The following SP4 variants were observed in gnomAD, a reference collection of about 807,000 sequenced individuals.
SP4 encodes transcription factor Sp4.
A neutral mutation model predicts 72.8 loss-of-function variants in SP4; 19 were observed. The ratio of observed to expected loss-of-function variants is 0.26; its 90% CI spans 0.18 to 0.38. The LOEUF is 0.38. SP4 is among the 10% of genes least tolerant of loss of function. SP4 has a pLI of 1.00. For missense variants in SP4, 1,008 were observed against 926.3 expected, an observed-to-expected ratio of 1.09 and a Z score of -1.14; for synonymous variants, 395 against 333.1, an observed-to-expected ratio of 1.19 and a Z score of -2.02.
Position 21,506,812 on chromosome 7 carries a change from A to G in SP4, c.2108-4210A>G, listed in dbSNP as rs145553426. Reference sequence around the variant, plus strand: ...ATTTTCTCATCTGATCTCTGAGCCTATATAGGAATGCAGAAGGAGTTTCCT... The same window carrying G: ...ATTTTCTCATCTGATCTCTGAGCCTGTATAGGAATGCAGAAGGAGTTTCCT... On this transcript the variant is annotated intron_variant, in intron 5 of 5. Transcript: ENST00000222584. 3.9e-3 allele frequency among the ~76,000 whole-genome samples: 596 copies of G among 152,290 alleles called. 3 individuals carry two copies. The highest frequency in any genetic ancestry group is 8.1e-3 in the Admixed American group (124 of 15,296).
At chr7:21,463,332 T>C (rs144875324) in intron 3 of SP4, among the ~76,000 whole-genome samples, 85 of 152,268 alleles carry the variant, frequency 5.6e-4, no homozygotes, top group Non-Finnish European at 9.8e-4. Context: ...GCTATGTACA[T>C]TGCCAGCATA....
chr7:21,471,214 TACTG>T, intron 3 of SP4: 1 of 483,558 alleles, frequency 2.1e-6, no homozygotes. Context: ...TGCTAAGAAA[TACTG>T]ACCTTATTGT....
At chr7:21,438,413 C>T (rs1430105963) in intron 3 of SP4, among the ~76,000 whole-genome samples, 1 of 151,780 alleles carries the variant, frequency 6.6e-6, no homozygotes, top group Non-Finnish European at 1.5e-5. Context: ...TTCATAGAGG[C>T]TGTATGAGGG....
intron 3 of SP4, among the ~76,000 whole-genome samples, chr7:21,468,672 A>G (rs1784241322): frequency 6.6e-6 from 1 of 152,002 alleles, no homozygotes; most frequent in South Asian, 2.1e-4. Flanking sequence ...TAATATAATT[A>G]TATCTTTTGT....
chr7:21,486,194 G>T (rs1784808428), intron 5 of SP4, among the ~76,000 whole-genome samples: 2 of 148,528 alleles, frequency 1.3e-5, no homozygotes, highest in South Asian at 2.1e-4. Flanking sequence ...TTTTTCTGTA[G>T]GTGACCTGAT....
chr7:21,428,261 A>G lies in SP4; in HGVS notation c.7+3A>G. Reference sequence around the variant, plus strand: ...GTCCTGTTAATGCGGGATGAGCGGTACGTATTCTCCACCCCCCTCAGTCTC... The same window carrying G: ...GTCCTGTTAATGCGGGATGAGCGGTGCGTATTCTCCACCCCCCTCAGTCTC... On this transcript the variant is annotated splice_donor_region_variant and intron_variant, in intron 1 of 5. Transcript: ENST00000222584. The G allele has an allele frequency of 7.6e-7, 1 of 1,322,156 alleles. No individual in the cohort carries two copies. 81.9% of individuals were successfully genotyped at this position (1,322,156 alleles called of 1,614,324 possible).
At chr7:21,473,833 A>C (rs991719112) in intron 3 of SP4, among the ~76,000 whole-genome samples, 3 of 152,184 alleles carry the variant, frequency 2.0e-5, no homozygotes, top group Admixed American at 2.0e-4. Flanking sequence ...CAGAGTGAGC[A>C]AGGGAGAGAC....
chr7:21,507,810 C>G (rs1483508229), intron 5 of SP4, among the ~76,000 whole-genome samples: 2 of 151,852 alleles, frequency 1.3e-5, no homozygotes, highest in Non-Finnish European at 2.9e-5. Flanking sequence ...TTCTCAGCAC[C>G]CCCTACTGGA....
At chr7:21,428,822 C>A in intron 2 of SP4, 30 bp downstream of exon 2, 1 of 1,511,374 alleles carries the variant, frequency 6.6e-7, no homozygotes, top group Non-Finnish European at 9.0e-7. Context: ...AAAAATTCAT[C>A]ACGACACATT....
At chr7:21,436,957 A>C (rs1783068959) in intron 3 of SP4, among the ~76,000 whole-genome samples, 1 of 152,102 alleles carries the variant, frequency 6.6e-6, no homozygotes, top group Admixed American at 6.5e-5. Flanking sequence ...TAGAATCTTG[A>C]CTTCTCCTCC....
At chr7:21,453,522 A>C (rs561244731) in intron 3 of SP4, among the ~76,000 whole-genome samples, 1 of 152,230 alleles carries the variant, frequency 6.6e-6, no homozygotes, top group African/African-American at 2.4e-5. Context: ...GAATTGTAGG[A>C]GTTTCACATA....
At chr7:21,506,683 A>T (rs527658691) in intron 5 of SP4, among the ~76,000 whole-genome samples, 1 of 152,082 alleles carries the variant, frequency 6.6e-6, no homozygotes, top group African/African-American at 2.4e-5. Flanking sequence ...CTTTCCATCC[A>T]TCAATCTTTT....
chr7:21,464,708 C>T, intron 3 of SP4, among the ~76,000 whole-genome samples: 1 of 151,910 alleles, frequency 6.6e-6, no homozygotes, highest in Non-Finnish European at 1.5e-5. Flanking sequence ...CACCACTGTG[C>T]CAAGCTTCCT....
intron 3 of SP4, among the ~76,000 whole-genome samples, chr7:21,455,818 G>A (rs1783747323): frequency 6.6e-6 from 1 of 152,148 alleles, no homozygotes; most frequent in Non-Finnish European, 1.5e-5. Flanking sequence ...TAACCTTAGA[G>A]TGACTCTCAC....
chr7:21,428,954 C>CT, intron 2 of SP4, 162 bp downstream of exon 2: 7 of 653,682 alleles, frequency 1.1e-5, no homozygotes, highest in South Asian at 2.0e-5. Context: ...GTTTTCACCT[C>CT]TTTGAGGGTA....
In SP4 at chr7:21,511,213, T is replaced by C; in HGVS notation, c.2299T>C (p.Ser767Pro). 1 of 1,614,168 alleles carries C rather than the reference T, an allele frequency of 6.2e-7. No homozygotes were observed. The highest frequency in any genetic ancestry group is 1.1e-5 in the South Asian group (1 of 91,084). ...SPRIVTVAAI[S>P]QDSNPATPNV... ...AAGAATTGTCACAGTTGCAGCCATTTCTCAAGATTCGAATCCAGCAACTCC... is the reference window on the plus strand; with the variant it reads ...AAGAATTGTCACAGTTGCAGCCATTCCTCAAGATTCGAATCCAGCAACTCC... The change falls in exon 6 of 6, where the codon TCT becomes CCT. Residue 767 changes from serine (S) to proline (P), a missense_variant. This residue lies in a region of SP4 where 67 missense variants were observed against 66.1 expected (regional missense o/e 1.01). Transcript: ENST00000222584.
At chr7:21,475,153 C>T (rs947160044) in intron 3 of SP4, among the ~76,000 whole-genome samples, 3 of 150,428 alleles carry the variant, frequency 2.0e-5, no homozygotes, top group Admixed American at 6.6e-5. Flanking sequence ...TCACTCTTGA[C>T]GCCCAGGCTG....
intron 5 of SP4, among the ~76,000 whole-genome samples, chr7:21,487,335 CCTCT>C (rs1174340527): frequency 1.3e-5 from 2 of 149,160 alleles, no homozygotes; most frequent in East Asian, 2.0e-4. Context: ...CACCTCTCTC[CCTCT>C]CTCTCTCTTT....
At chr7:21,495,529 A>G (rs1781684034) in intron 5 of SP4, among the ~76,000 whole-genome samples, 1 of 152,170 alleles carries the variant, frequency 6.6e-6, no homozygotes. Flanking sequence ...AAATAAAACC[A>G]TAATGCAATA....
Sources: allele counts gnomAD v4.1 joint callset (sites outside exome capture counted in the v4.1 genomes callset), GRCh38; gene constraint gnomAD v4.1.1; regional missense constraint gnomAD v4.1.1; transcripts MANE v1.5; gene names NCBI Gene and HGNC (gene_info 2026-07-23, HGNC 2026-07-21).